SYN3: variants seen among roughly 807,000 people sequenced by gnomAD.
The protein encoded by SYN3 is synapsin-3.
In SYN3, 35 loss-of-function variants were observed where a neutral mutation model predicts 65.8. The observed-to-expected ratio is 0.53, with a 90% CI of 0.41 to 0.70. The LOEUF (loss-of-function observed/expected upper bound fraction) is 0.70. Ranked by LOEUF, SYN3 falls within the 30% of genes least tolerant of loss-of-function variation. SYN3 has a pLI of 0.00. For synonymous variants in SYN3, 270 were observed against 292.9 expected, an observed-to-expected ratio of 0.92 and a Z score of 0.80; for missense variants, 680 against 749.0, an observed-to-expected ratio of 0.91 and a Z score of 1.08.
At chr22:32,971,810 A>G (rs1029005595) in intron 3 of SYN3, among the ~76,000 whole-genome samples, 2 of 152,194 alleles carry the variant, frequency 1.3e-5, no homozygotes, top group African/African-American at 4.8e-5. Context: ...GAGGTTTATT[A>G]GTGAATTCCC....
intron 4 of SYN3, among the ~76,000 whole-genome samples, chr22:32,918,920 C>A (rs572007412): frequency 3.9e-5 from 6 of 152,296 alleles, no homozygotes; most frequent in South Asian, 2.1e-4. Flanking sequence ...CCAGCCCAGG[C>A]GGTCTGCTTT....
chr22:32,643,718 C>T (rs911203533), intron 6 of SYN3, among the ~76,000 whole-genome samples: 1 of 152,024 alleles, frequency 6.6e-6, no homozygotes, highest in Admixed American at 6.6e-5. Flanking sequence ...TGAGTTTAGC[C>T]TTCTCATTTG....
At chr22:32,780,947 T>TTCCTTCCTTCCTTCCTTCCG (rs1555958510) in intron 6 of SYN3, among the ~76,000 whole-genome samples, 1,105 of 71,046 alleles carry the variant, frequency 0.016, 21 homozygotes, top group African/African-American at 0.052. Flanking sequence ...CCTTCCTTCC[T>TTCCTTCCTTCCTTCCTTCCG]TCCTTCCTTC....
chr22:32,899,749 T>C (rs186084928), intron 4 of SYN3, among the ~76,000 whole-genome samples: 32 of 152,346 alleles, frequency 2.1e-4, no homozygotes, highest in Admixed American at 1.4e-3. Flanking sequence ...TTTCCCTCTT[T>C]TGAGCCTTCG....
intron 6 of SYN3, among the ~76,000 whole-genome samples, chr22:32,679,382 A>G (rs1175193739): frequency 1.3e-5 from 2 of 151,974 alleles, no homozygotes; most frequent in Non-Finnish European, 2.9e-5. Context: ...TCATCTGTCG[A>G]TGGACTTTTG....
intron 6 of SYN3, among the ~76,000 whole-genome samples, chr22:32,790,282 A>T (rs963397097): frequency 9.2e-5 from 14 of 152,200 alleles, no homozygotes; most frequent in Non-Finnish European, 1.6e-4. Context: ...ATACAGAAAC[A>T]ACAGATGAAA....
chr22:32,664,319 C>A (rs1015102073), intron 6 of SYN3, among the ~76,000 whole-genome samples: 3 of 152,186 alleles, frequency 2.0e-5, no homozygotes, highest in African/African-American at 7.2e-5. Flanking sequence ...AATTGATATG[C>A]CTTCCATCCA....
intron 6 of SYN3, chr22:32,858,010 C>G: frequency 1.2e-6 from 2 of 1,614,176 alleles, no homozygotes; most frequent in East Asian, 4.5e-5. Flanking sequence ...CTTCTTTCCT[C>G]CTGTAGGTCG....
chr22:32,981,679 G>A (rs1056639373), intron 2 of SYN3, among the ~76,000 whole-genome samples: 1 of 151,994 alleles, frequency 6.6e-6, no homozygotes, highest in Admixed American at 6.6e-5. Context: ...CACATAAAAA[G>A]GTCTGAAATG....
intron 6 of SYN3, among the ~76,000 whole-genome samples, chr22:32,780,903 GCCTT>G (rs1399711885): frequency 1.0e-3 from 114 of 112,840 alleles, no homozygotes; most frequent in Non-Finnish European, 1.3e-3. Flanking sequence ...CTGCCTGCCT[GCCTT>G]CCTTGCTTCC....
chr22:32,956,113 C>CA lies in SYN3; in HGVS notation c.369+24531dup, dbSNP rs201419238. ...TAGAGAACCCTAATACCGCCCCCCC[C>CA]AAAAAATGTTATACAGAACCTGTCC... On this transcript the variant is annotated intron_variant, in intron 3 of 13. Coordinates refer to ENST00000358763, the MANE Select transcript of SYN3 (RefSeq NM_003490.4). 7.2e-3 allele frequency among the ~76,000 whole-genome samples: 1,022 copies of CA among 142,416 alleles called. 15 individuals are homozygous for CA. Among genetic ancestry groups the CA allele is most frequent in the African/African-American group, 0.026 (978 of 37,294 alleles). 93.4% of individuals were successfully genotyped at this position (142,416 alleles called of 152,430 possible). A position where few individuals can be genotyped will look rare whatever the true frequency, so the allele number is the denominator to read the frequency against.
chr22:32,609,588 T>C (rs1455956046), intron 6 of SYN3, among the ~76,000 whole-genome samples: 2 of 151,622 alleles, frequency 1.3e-5, no homozygotes, highest in African/African-American at 4.8e-5. Flanking sequence ...GTAATCCTTC[T>C]GCCTCAGCCT....
chr22:32,976,010 G>A (rs2052174449), intron 3 of SYN3, among the ~76,000 whole-genome samples: 1 of 152,224 alleles, frequency 6.6e-6, no homozygotes, highest in Non-Finnish European at 1.5e-5. Context: ...AGAATTGTGG[G>A]TTGAAGGCTG....
In SYN3 at chr22:32,513,156, T is replaced by C. The variant is rs1243808927; in HGVS notation, c.*536A>G. 1 of 152,688 alleles carries C rather than the reference T, an allele frequency of 6.5e-6. No individual in the cohort carries two copies. Among genetic ancestry groups the C allele is most frequent in the African/African-American group, 2.4e-5 (1 of 41,412 alleles). The allele number at this position is 152,688 out of a possible 1,614,324, so 9.5% of individuals were successfully genotyped here. ...GCCTGCCTGGTCTAAGGGCGGGTCT[T>C]GAGCGTGGATGGAACTAGCGTGGGC... On this transcript the variant is annotated 3_prime_UTR_variant, in exon 14 of 14. Coordinates refer to ENST00000358763, the MANE Select transcript of SYN3 (RefSeq NM_003490.4).
chr22:32,934,318 C>G (rs1277436319), intron 3 of SYN3, among the ~76,000 whole-genome samples: 2 of 152,178 alleles, frequency 1.3e-5, no homozygotes, highest in Admixed American at 6.5e-5. Flanking sequence ...GGCTGTCTCG[C>G]TGCCCAAATG....
Position 32,875,015 on chromosome 22 carries a change from T to A in SYN3, c.462-5890A>T, listed in dbSNP as rs948445727. Reference sequence around the variant, plus strand: ...TTCTGCAAGGATAAAGCCAAGGAAATGTGCACGCTTTGCAGATGGAGGGGT... The same window carrying A: ...TTCTGCAAGGATAAAGCCAAGGAAAAGTGCACGCTTTGCAGATGGAGGGGT... On this transcript the variant is annotated intron_variant, in intron 4 of 13. Transcript: ENST00000358763. Among the ~76,000 whole-genome samples the A allele has an allele frequency of 3.0e-4, 46 of 152,144 alleles. 1 individual carries two copies. The highest frequency in any genetic ancestry group is 1.1e-3 in the African/African-American group (46 of 41,426).
intron 6 of SYN3, among the ~76,000 whole-genome samples, chr22:32,819,756 G>T (rs951766535): frequency 2.6e-5 from 4 of 152,180 alleles, no homozygotes; most frequent in Non-Finnish European, 5.9e-5. Context: ...AGAAGAGGAG[G>T]ATTCTGAAAC....
At chr22:33,034,244 C>T (rs2053811308) in intron 1 of SYN3, among the ~76,000 whole-genome samples, 1 of 151,058 alleles carries the variant, frequency 6.6e-6, no homozygotes, top group Admixed American at 6.6e-5. Context: ...GTATGTACTA[C>T]TTGCTTTCTT....
At chr22:33,044,873 G>A (rs367605569) in intron 1 of SYN3, among the ~76,000 whole-genome samples, 55 of 144,004 alleles carry the variant, frequency 3.8e-4, no homozygotes, top group South Asian at 1.8e-3. Flanking sequence ...ATGGAGTTTC[G>A]CTCTTGTTGC....
Sources: allele counts gnomAD v4.1 joint callset (sites outside exome capture counted in the v4.1 genomes callset), GRCh38; gene constraint gnomAD v4.1.1; transcripts MANE v1.5; gene names NCBI Gene and HGNC (gene_info 2026-07-23, HGNC 2026-07-21).